The following SSUH2 variants were observed in gnomAD, a reference collection of about 807,000 sequenced individuals.
SSUH2 encodes protein SSUH2 homolog.
In SSUH2, 47 loss-of-function variants were observed where a neutral mutation model predicts 55.3. That is an observed-to-expected ratio of 0.85 (90% confidence interval 0.67 to 1.08). The LOEUF is 1.08. Ranked by LOEUF, SSUH2 falls within the 50% of genes least tolerant of loss-of-function variation. The pLI is 0.00. For missense variants in SSUH2, 535 were observed against 490.7 expected, an observed-to-expected ratio of 1.09 and a Z score of -0.85; for synonymous variants, 212 against 191.5, an observed-to-expected ratio of 1.11 and a Z score of -0.89.
chr3:8,624,801 G>A (rs556352228), intron 10 of SSUH2, among the ~76,000 whole-genome samples: 1 of 152,184 alleles, frequency 6.6e-6, no homozygotes, highest in Non-Finnish European at 1.5e-5. Flanking sequence ...TGGCCCGCAG[G>A]ACCCTCTCCT....
chr3:8,637,471 T>C (rs1049373031), intron 1 of SSUH2, among the ~76,000 whole-genome samples: 1 of 152,124 alleles, frequency 6.6e-6, no homozygotes, highest in Non-Finnish European at 1.5e-5. Context: ...CACTCCCACC[T>C]GGGGGTGTGG....
At chr3:8,639,909 A>G (rs1700554095) in intron 1 of SSUH2, 1 of 957,682 alleles carries the variant, frequency 1.0e-6, no homozygotes, top group South Asian at 4.8e-5. Context: ...GTGGGAATCC[A>G]ACAGGCACAC....
intron 5 of SSUH2, chr3:8,670,879 A>T (rs1704494395): frequency 5.1e-6 from 1 of 195,988 alleles, no homozygotes; most frequent in Non-Finnish European, 1.1e-5. Flanking sequence ...CTGGTGATTT[A>T]TGAGTAACAT....
rs1402394193 is a variant in SSUH2 at position 8,678,853 on chromosome 3, C to G, written c.-901+852G>C. Among the ~76,000 whole-genome samples the G allele has an allele frequency of 7.1e-5, 8 of 111,996 alleles. 3 individuals carry two copies. Among genetic ancestry groups the G allele is most frequent in the Admixed American group, 7.0e-4 (8 of 11,468 alleles). The allele number at this position is 111,996 out of a possible 152,430, so 73.5% of individuals were successfully genotyped here. ...CGAGGCGGGGACTGAGAACCAATCC[C>G]TCTTCCCCCAGCCTGGCTCTTAGGA... On this transcript the variant is annotated intron_variant, in intron 2 of 18. Transcript: ENST00000317371.
chr3:8,654,305 A>G (rs1204750310), intron 7 of SSUH2, among the ~76,000 whole-genome samples: 1 of 152,334 alleles, frequency 6.6e-6, no homozygotes, highest in East Asian at 1.9e-4. Flanking sequence ...ATACTATCAC[A>G]TTAGGGGGTA....
rs1705626510 is a variant in SSUH2, at chr3:8,678,577, A to AG, written c.-901+1127_-901+1128insC. ...TAGGACCCCAATCACAGAGGGGGGA[A>AG]CACCCCCCGCGAGGCAGGGACTGAG... On this transcript the variant is annotated intron_variant, in intron 2 of 18. Transcript: ENST00000317371. 1.1e-4 allele frequency among the ~76,000 whole-genome samples: 9 copies of AG among 82,262 alleles called. No homozygotes were observed. In the South Asian group the frequency reaches 1.5e-3, roughly 14 times the overall value. The allele number at this position is 82,262 out of a possible 152,430, so 54.0% of individuals were successfully genotyped here.
chr3:8,620,147 G>T (rs1209746835), intron 11 of SSUH2, 133 bp from the exon 12 acceptor site: 11 of 952,232 alleles, frequency 1.2e-5, no homozygotes, highest in East Asian at 2.7e-5. Flanking sequence ...AATATGGTTT[G>T]GCTCTGTGTT....
upstream of SSUH2, among the ~76,000 whole-genome samples, chr3:8,649,093 C>T (rs1410253659): frequency 1.3e-5 from 2 of 152,170 alleles, no homozygotes; most frequent in African/African-American, 4.8e-5. Flanking sequence ...GCCCTGACTG[C>T]AGCGCAACTC....
At position 8,666,775 on chromosome 3, in the gene SSUH2, C is replaced by T. The variant is rs372827424; in HGVS notation, c.-454-2973G>A. Among the ~76,000 whole-genome samples, 52 of 152,304 alleles carry T rather than the reference C, an allele frequency of 3.4e-4. 1 individual carries two copies. The South Asian group carries it at 7.7e-3, about 22-fold the overall frequency. The stretch of plus-strand genomic sequence containing the variant: ...CTCAGTCCCCAAGACCACACCACTC[C>T]GGACACCAGTTGCAAGTCCAGGACT... On this transcript the variant is annotated intron_variant, in intron 5 of 18. Coordinates refer to the SSUH2 transcript ENST00000317371.
At chr3:8,675,365 A>T (rs995526836) in intron 3 of SSUH2, among the ~76,000 whole-genome samples, 2 of 152,096 alleles carry the variant, frequency 1.3e-5, no homozygotes, top group Non-Finnish European at 2.9e-5. Flanking sequence ...TTGGCTCGAG[A>T]CCATCAGAAG....
chr3:8,676,293 A>G (rs1179711152), intron 3 of SSUH2, among the ~76,000 whole-genome samples: 7 of 152,064 alleles, frequency 4.6e-5, no homozygotes, highest in Non-Finnish European at 7.4e-5. Flanking sequence ...GAACAGTATC[A>G]CAAGGGTGTT....
At chr3:8,636,100 T>C (rs919867580) in intron 1 of SSUH2, among the ~76,000 whole-genome samples, 2 of 152,218 alleles carry the variant, frequency 1.3e-5, no homozygotes, top group Non-Finnish European at 2.9e-5. Flanking sequence ...ACTCCGTGAA[T>C]ATGCATTATT....
Position 8,678,004 on chromosome 3 carries a change from G to C in SSUH2, c.-900-651C>G, listed in dbSNP as rs184673835. Among the ~76,000 whole-genome samples the C allele has an allele frequency of 1.0e-3, 153 of 151,636 alleles. 1 individual carries two copies. Among genetic ancestry groups the C allele is most frequent in the African/African-American group, 3.3e-3 (136 of 41,344 alleles). On this transcript the variant is annotated intron_variant, in intron 2 of 18. Coordinates refer to the SSUH2 transcript ENST00000317371. ...CTGAATATTAAGAACAGTATAACAG[G>C]GGTTTTTCTACTCCCTGCGATATCG... is the stretch of plus-strand genomic sequence containing the variant.
intron 1 of SSUH2, among the ~76,000 whole-genome samples, chr3:8,640,880 A>G (rs189926959): frequency 2.4e-3 from 359 of 152,332 alleles, no homozygotes; most frequent in Non-Finnish European, 4.4e-3. Flanking sequence ...GTTTTCAATT[A>G]TTTGAGATTG....
intron 8 of SSUH2, 90 bp downstream of exon 8, chr3:8,627,608 G>T: frequency 8.9e-7 from 1 of 1,128,304 alleles, no homozygotes; most frequent in Admixed American, 2.5e-5. Context: ...TGACGAGACA[G>T]ATGGGTTCCT....
intron 10 of SSUH2, among the ~76,000 whole-genome samples, chr3:8,624,660 G>A (rs1479801814): frequency 6.6e-6 from 1 of 152,218 alleles, no homozygotes; most frequent in Non-Finnish European, 1.5e-5. Flanking sequence ...AGACTATGTA[G>A]TCTGTCATTA....
At chr3:8,632,018 C>T (rs749690737) in intron 5 of SSUH2, 31 bp downstream of exon 5, 2 of 1,586,458 alleles carry the variant, frequency 1.3e-6, no homozygotes, top group East Asian at 2.2e-5. Context: ...TATTTGCCCC[C>T]AGTTAAACTA....
chr3:8,631,941 A>T, intron 5 of SSUH2, 108 bp downstream of exon 5: 1 of 859,304 alleles, frequency 1.2e-6, no homozygotes, highest in Non-Finnish European at 1.9e-6. Context: ...GGCTCCAAGC[A>T]GAAGACCATC....
chr3:8,674,378 G>A (rs1704984015), intron 3 of SSUH2, among the ~76,000 whole-genome samples: 1 of 152,212 alleles, frequency 6.6e-6, no homozygotes, highest in Non-Finnish European at 1.5e-5. Context: ...AGGAGGAAGG[G>A]GCCCGGCTCA....
Sources: allele counts gnomAD v4.1 joint callset (sites outside exome capture counted in the v4.1 genomes callset), GRCh38; gene constraint gnomAD v4.1.1; transcripts MANE v1.5; gene names NCBI Gene and HGNC (gene_info 2026-07-23, HGNC 2026-07-21).